The following SLC39A11 variants were observed in gnomAD, a reference collection of about 807,000 sequenced individuals.
SLC39A11 encodes the protein solute carrier family 39 member 11, also known as zinc transporter ZIP11.
SLC39A11 carries 33 observed loss-of-function variants against 36.1 expected under a neutral mutation model. The ratio of observed to expected loss-of-function variants is 0.91; its 90% CI spans 0.69 to 1.22. SLC39A11 has a LOEUF of 1.22. Among genes scored for constraint, SLC39A11 ranks in the 50% most tolerant of loss-of-function variants. The pLI, the probability that SLC39A11 is intolerant of heterozygous loss-of-function variation, is 0.00. For synonymous variants in SLC39A11, 166 were observed against 170.3 expected (o/e 0.97, Z 0.20); for missense variants, 432 against 430.3 (o/e 1.00, Z -0.03).
intron 5 of SLC39A11, among the ~76,000 whole-genome samples, chr17:72,935,735 A>G (rs915691243): frequency 2.0e-5 from 3 of 152,074 alleles, no homozygotes; most frequent in Non-Finnish European, 4.4e-5. Context: ...GGCACGCGCC[A>G]CCATGCCCAG....
At chr17:72,931,556 T>G (rs944510372) in intron 5 of SLC39A11, among the ~76,000 whole-genome samples, 1 of 152,196 alleles carries the variant, frequency 6.6e-6, no homozygotes, top group African/African-American at 2.4e-5. Context: ...CCTTCCCAAA[T>G]GCACCAGATA....
chr17:73,046,399 A>G (rs1205810477), intron 3 of SLC39A11, among the ~76,000 whole-genome samples: 1 of 152,174 alleles, frequency 6.6e-6, no homozygotes. Context: ...GATGGAAGGC[A>G]GGAGGTAAGG....
chr17:72,871,056 G>GTTTTTTTTTTTTTTTTTTTTTTTTTTTTT (rs34776144), intron 5 of SLC39A11, among the ~76,000 whole-genome samples: 2 of 124,310 alleles, frequency 1.6e-5, no homozygotes, highest in South Asian at 2.5e-4. Flanking sequence ...TTTTGTTTTT[G>GTTTTTTTTTTTTTTTTTTTTTTTTTTTTT]TTTTTTTTTT....
At chr17:72,860,717 A>G (rs2079932395) in intron 5 of SLC39A11, among the ~76,000 whole-genome samples, 1 of 152,176 alleles carries the variant, frequency 6.6e-6, no homozygotes, top group South Asian at 2.1e-4. Context: ...AAGGAGGACT[A>G]TCGGTGTCAT....
intron 7 of SLC39A11, 85 bp from the exon 8 acceptor site, chr17:72,649,353 CG>C: frequency 1.6e-6 from 2 of 1,244,008 alleles, no homozygotes; most frequent in Non-Finnish European, 2.3e-6. Context: ...CCAAGACCTC[CG>C]TGGGTGCTAG....
chr17:72,847,160 T>C (rs2079087626), intron 6 of SLC39A11, among the ~76,000 whole-genome samples: 1 of 152,160 alleles, frequency 6.6e-6, no homozygotes, highest in African/African-American at 2.4e-5. Flanking sequence ...CCCAGCACTT[T>C]GAGAGGCTGA....
chr17:73,043,699 C>G (rs1041919180), intron 3 of SLC39A11, among the ~76,000 whole-genome samples: 2 of 152,054 alleles, frequency 1.3e-5, no homozygotes, highest in African/African-American at 4.8e-5. Context: ...GGGCAGGAGA[C>G]CAGAGAGCAG....
chr17:72,731,709 CTTTT>C (rs956099679), intron 7 of SLC39A11, among the ~76,000 whole-genome samples: 9 of 136,228 alleles, frequency 6.6e-5, no homozygotes, highest in South Asian at 2.5e-4. Context: ...TGGTGCATTC[CTTTT>C]TTTGTTTGTT....
chr17:72,758,371 G>C (rs1271700057), intron 6 of SLC39A11, among the ~76,000 whole-genome samples: 1 of 152,188 alleles, frequency 6.6e-6, no homozygotes, highest in South Asian at 2.1e-4. Context: ...TGCTCTGGCA[G>C]TTCCCCTATT....
chr17:73,070,642 A>T (rs565974715), intron 3 of SLC39A11, among the ~76,000 whole-genome samples: 2 of 152,238 alleles, frequency 1.3e-5, no homozygotes, highest in East Asian at 3.9e-4. Context: ...CCCAAACCTT[A>T]TCTTCAATTG....
chr17:72,988,460 CAAACAAAACA>C (rs539765242), intron 4 of SLC39A11, among the ~76,000 whole-genome samples: 18 of 152,172 alleles, frequency 1.2e-4, no homozygotes, highest in South Asian at 4.2e-4. Context: ...GAACTTGTCT[CAAACAAAACA>C]AAACAAAACA....
chr17:73,052,110 G>T (rs943057186), intron 3 of SLC39A11, among the ~76,000 whole-genome samples: 2 of 151,676 alleles, frequency 1.3e-5, no homozygotes, highest in African/African-American at 2.4e-5. Flanking sequence ...AATACAAGGT[G>T]CCCCGTTTTT....
At chr17:73,004,228 AAAG>A (rs1438289134) in intron 4 of SLC39A11, among the ~76,000 whole-genome samples, 1 of 73,870 alleles carries the variant, frequency 1.4e-5, no homozygotes, top group African/African-American at 5.2e-5. Flanking sequence ...AGAAAGAAAG[AAAG>A]AAAAGAAAGA....
intron 6 of SLC39A11, among the ~76,000 whole-genome samples, chr17:72,787,809 TTC>T (rs1311619124): frequency 6.6e-6 from 1 of 152,184 alleles, no homozygotes; most frequent in African/African-American, 2.4e-5. Context: ...TTCTGATACA[TTC>T]TGTTTCCTCC....
chr17:72,817,245 G>A (rs951906821), intron 6 of SLC39A11, among the ~76,000 whole-genome samples: 1 of 151,212 alleles, frequency 6.6e-6, no homozygotes, highest in Non-Finnish European at 1.5e-5. Flanking sequence ...AAGGCAAAGG[G>A]GAACTGGCAT....
intron 4 of SLC39A11, among the ~76,000 whole-genome samples, chr17:73,018,368 G>A (rs1371716370): frequency 6.6e-6 from 1 of 152,018 alleles, no homozygotes; most frequent in Non-Finnish European, 1.5e-5. Context: ...GGCCAACATG[G>A]AAAAACCCTA....
chr17:72,941,802 C>A (rs1302184111), intron 5 of SLC39A11, among the ~76,000 whole-genome samples: 1 of 152,084 alleles, frequency 6.6e-6, no homozygotes, highest in African/African-American at 2.4e-5. Context: ...TATTATTGAG[C>A]CCTTTGCCCT....
At chr17:73,030,253 G>C (rs185688513) in intron 4 of SLC39A11, among the ~76,000 whole-genome samples, 1 of 152,232 alleles carries the variant, frequency 6.6e-6, no homozygotes, top group Non-Finnish European at 1.5e-5. Flanking sequence ...AGCGGTCCTT[G>C]GTCTGGGGGG....
At chr17:72,766,324 G>A (rs771762563) in intron 6 of SLC39A11, among the ~76,000 whole-genome samples, 1 of 152,156 alleles carries the variant, frequency 6.6e-6, no homozygotes, top group Non-Finnish European at 1.5e-5. Flanking sequence ...TCGCCCAAAG[G>A]GGTATATACT....
Sources: gnomAD v4.1 joint callset for allele counts (sites outside exome capture counted in the v4.1 genomes callset) on GRCh38, gnomAD v4.1.1 for gene constraint, MANE v1.5 for transcripts, NCBI Gene and HGNC (gene_info 2026-07-23, HGNC 2026-07-21) for gene names.